Variants in GALNT10 observed in about 807,000 individuals in gnomAD.
GALNT10 encodes GalNAc transferase 10.
Under a neutral mutation model 75.0 loss-of-function variants are expected in GALNT10, and 41 were observed. The ratio of observed to expected loss-of-function variants is 0.55; its 90% CI spans 0.43 to 0.71. The LOEUF (loss-of-function observed/expected upper bound fraction) is 0.71, where lower values mean the gene tolerates loss of function less well. GALNT10 is among the 30% of genes least tolerant of loss of function. The pLI is 0.00. For missense variants in GALNT10, 727 were observed against 818.5 expected (o/e 0.89, Z 1.36); for synonymous variants, 302 against 313.0 (o/e 0.96, Z 0.37).
At chr5:154,269,655 A>G (rs544458315) in intron 1 of GALNT10, among the ~76,000 whole-genome samples, 2 of 152,376 alleles carry the variant, frequency 1.3e-5, no homozygotes, top group East Asian at 1.9e-4. Flanking sequence ...GGCTTCCACA[A>G]CCCAAGCAAG....
In GALNT10 at chr5:154,352,982, C is replaced by T. The variant is rs1027353906; in HGVS notation, c.568+23244C>T. The stretch of plus-strand genomic sequence containing the variant: ...GTGAACTTGGATCCAGGAATCCTCA[C>T]CAGCTCTGACCTCTTCTCCCCTCCT... On this transcript the variant is annotated intron_variant, in intron 4 of 11. Transcript: ENST00000297107. The surrounding 1 kb of genome is among the most constrained non-coding windows in gnomAD (Gnocchi z 4.4). Among the ~76,000 whole-genome samples, 6 of 152,154 alleles carry T rather than the reference C, an allele frequency of 3.9e-5. No homozygotes were observed. The highest frequency in any genetic ancestry group is 1.4e-4 in the African/African-American group (6 of 41,430).
At chr5:154,285,963 C>T (rs974177415) in intron 1 of GALNT10, among the ~76,000 whole-genome samples, 5 of 152,108 alleles carry the variant, frequency 3.3e-5, no homozygotes, top group African/African-American at 1.2e-4. Flanking sequence ...TTACTTTTCC[C>T]TCTGTCTGGA....
chr5:154,218,491 CATA>C (rs1334989653), intron 1 of GALNT10, among the ~76,000 whole-genome samples: 1 of 152,126 alleles, frequency 6.6e-6, no homozygotes, highest in Non-Finnish European at 1.5e-5. Context: ...ATTTCACAGG[CATA>C]ATGAGAATCT....
intron 2 of GALNT10, among the ~76,000 whole-genome samples, chr5:154,296,625 C>T (rs972670595): frequency 7.2e-5 from 11 of 152,106 alleles, no homozygotes; most frequent in Admixed American, 5.9e-4. Context: ...CTAATTAATA[C>T]AAAGGGCAAA....
intron 1 of GALNT10, among the ~76,000 whole-genome samples, chr5:154,233,111 A>T (rs1753191984): frequency 6.6e-6 from 1 of 152,198 alleles, no homozygotes; most frequent in Non-Finnish European, 1.5e-5. Flanking sequence ...GAAGATTGTT[A>T]TAAAAAAATT....
intron 4 of GALNT10, among the ~76,000 whole-genome samples, chr5:154,350,456 T>C (rs1314632394): frequency 6.6e-6 from 1 of 152,226 alleles, no homozygotes; most frequent in African/African-American, 2.4e-5. Context: ...GCATATCCTT[T>C]GATCTAGCAA....
chr5:154,355,533 T>C (rs992446728), intron 4 of GALNT10, among the ~76,000 whole-genome samples: 3 of 152,012 alleles, frequency 2.0e-5, no homozygotes, highest in Non-Finnish European at 4.4e-5. Context: ...CCAGCGGGAG[T>C]AGGCATGCCT....
intron 6 of GALNT10, 36 bp from the exon 7 acceptor site, chr5:154,386,277 T>A (rs369551431): frequency 7.5e-6 from 11 of 1,471,882 alleles, no homozygotes; most frequent in African/African-American, 1.4e-5. Context: ...GGCCAGGACA[T>A]CTGCACCTTC....
At chr5:154,390,114 C>T (rs954610704) in intron 7 of GALNT10, among the ~76,000 whole-genome samples, 1 of 152,178 alleles carries the variant, frequency 6.6e-6, no homozygotes, top group Admixed American at 6.5e-5. Context: ...CAATTTATGA[C>T]CAAAAACTTC....
intron 4 of GALNT10, among the ~76,000 whole-genome samples, chr5:154,338,835 C>T (rs566777050): frequency 2.6e-5 from 4 of 152,282 alleles, no homozygotes; most frequent in African/African-American, 4.8e-5. Context: ...GAGGCTGATC[C>T]AGAGAACACA....
chr5:154,191,040 T>G lies in GALNT10; in HGVS notation c.159+15T>G, dbSNP rs1274330287. The G allele has an allele frequency of 2.1e-6, 3 of 1,405,824 alleles. No individual in the cohort carries two copies. The highest frequency in any genetic ancestry group is 5.0e-5 in the Admixed American group (2 of 39,710). The allele number at this position is 1,405,824 out of a possible 1,614,324, so 87.1% of individuals were successfully genotyped here. On this transcript the variant is annotated intron_variant, in intron 1 of 11. Coordinates refer to ENST00000297107, the MANE Select transcript of GALNT10 (RefSeq NM_198321.4). ...CGGCGGGACAGGTGAGTCCCCCCGT[T>G]GCTACAGGCCGGGAACACCCCCTTC...
chr5:154,260,733 C>T (rs2434530), intron 1 of GALNT10, among the ~76,000 whole-genome samples: 9,796 of 152,102 alleles, frequency 0.064, 864 homozygotes, highest in African/African-American at 0.2. Flanking sequence ...AACATGAAGC[C>T]TTTGTTGACT....
chr5:154,286,115 C>T (rs1754107626), intron 1 of GALNT10, among the ~76,000 whole-genome samples: 1 of 152,174 alleles, frequency 6.6e-6, no homozygotes, highest in Admixed American at 6.5e-5. Context: ...TTATGGCCTG[C>T]CACTGTAGCT....
In GALNT10 at chr5:154,244,100, TG is replaced by T. The variant is rs557130492; in HGVS notation, c.160-50715del. On this transcript the variant is annotated intron_variant, in intron 1 of 11. Transcript: ENST00000297107. ...AGCAAGCACTTAGTTTTCATTGCCA[TG>T]TTCCGCAACCTGCAAGGGATGAGAA... Among the ~76,000 whole-genome samples, 65 of 152,332 alleles carry T rather than the reference TG, an allele frequency of 4.3e-4. 1 individual carries two copies. The South Asian group carries it at 0.012, about 27-fold the overall frequency.
intron 4 of GALNT10, among the ~76,000 whole-genome samples, chr5:154,330,554 C>G (rs1235767608): frequency 2.0e-5 from 3 of 152,154 alleles, no homozygotes; most frequent in African/African-American, 7.2e-5. Context: ...TTAGCTACAT[C>G]CAGAGCCTCT....
chr5:154,339,632 T>C (rs1354828016), intron 4 of GALNT10, among the ~76,000 whole-genome samples: 1 of 152,208 alleles, frequency 6.6e-6, no homozygotes, highest in East Asian at 1.9e-4. Flanking sequence ...TCCAATGTTT[T>C]GGAAAGAGTT....
intron 3 of GALNT10, among the ~76,000 whole-genome samples, chr5:154,311,420 C>T (rs899148442): frequency 6.6e-6 from 1 of 152,148 alleles, no homozygotes; most frequent in Non-Finnish European, 1.5e-5. Flanking sequence ...AAATGGGGAA[C>T]ATCACTAGCT....
intron 1 of GALNT10, among the ~76,000 whole-genome samples, chr5:154,236,913 C>T (rs565504445): frequency 3.3e-5 from 5 of 152,170 alleles, no homozygotes; most frequent in Admixed American, 2.6e-4. Context: ...ATCTTTGTGT[C>T]TCAGGCCTCA....
In GALNT10 at chr5:154,404,079, C is replaced by T. The variant is rs1209560033; in HGVS notation, c.1057-25C>T. The T allele has an allele frequency of 9.6e-6, 15 of 1,565,144 alleles. No individual in the cohort carries two copies. In the Admixed American group the frequency reaches 2.5e-4, roughly 26 times the overall value. ...GTGAACTGGAAGCAGAAACGTCATCCTCTCTCTTCCTTCTTGCCATGCAGG... is the reference window on the plus strand; with the variant it reads ...GTGAACTGGAAGCAGAAACGTCATCTTCTCTCTTCCTTCTTGCCATGCAGG... On this transcript the variant is annotated intron_variant, in intron 7 of 11. Coordinates refer to ENST00000297107, the MANE Select transcript of GALNT10 (RefSeq NM_198321.4).
Sources: gnomAD v4.1 joint callset for allele counts (sites outside exome capture counted in the v4.1 genomes callset) on GRCh38, gnomAD v4.1.1 for gene constraint, Gnocchi (gnomAD v3.1) non-coding constraint, MANE v1.5 for transcripts, NCBI Gene and HGNC (gene_info 2026-07-23, HGNC 2026-07-21) for gene names.